XIRP1: variants seen among roughly 807,000 people sequenced by gnomAD.
The protein encoded by XIRP1 is xin actin-binding repeat-containing protein 1.
For missense variants in XIRP1, 2,378 were observed against 2,345.4 expected (o/e 1.01, Z -0.29); for synonymous variants, 984 against 947.0 (o/e 1.04, Z -0.72).
chr3:39,187,299 A>G lies in XIRP1; in HGVS notation c.2147T>C (p.Ile716Thr). The G allele has an allele frequency of 6.3e-7, 1 of 1,589,150 alleles. No homozygotes were observed. The highest frequency in any genetic ancestry group is 8.6e-7 in the Non-Finnish European group (1 of 1,166,878). ...AGAACCCGCGGGGATGGACCCAGCG[A>G]TTACCCGGGGCTCCTGTTCTTCCTT... ...GKKEEQEPRVIAGSIPAGSVH... is the reference protein window; with the variant it reads ...GKKEEQEPRVTAGSIPAGSVH... Residue 716 changes from isoleucine to threonine, a missense_variant, in exon 2 of 2, where the codon ATC becomes ACC. Coordinates refer to ENST00000340369, the MANE Select transcript of XIRP1 (RefSeq NM_194293.4).
rs1049680179 is a variant in XIRP1 at position 39,189,046 on chromosome 3, A to G, written c.400T>C (p.Ser134Pro). The change falls in exon 2 of 2, where the codon TCC becomes CCC. Residue 134 changes from serine (S) to proline (P), a missense_variant. Physicochemically the swap from Ser to Pro is moderately conservative, Grantham distance 74. Transcript: ENST00000340369. ...QATSRKFEEG[S>P]FANSTDQEPT... ...TCCTGGTCTGTGCTGTTGGCAAAGG[A>G]GCCTTCCTCAAACTTGCGGGAGGTG... 6.2e-7 allele frequency: 1 copy of G among 1,614,098 alleles called. No individual in the cohort carries two copies.
Position 39,183,685 on chromosome 3 carries a change from A to T in XIRP1, c.*229T>A. On this transcript the variant is annotated 3_prime_UTR_variant, in exon 2 of 2. Coordinates refer to ENST00000340369, the MANE Select transcript of XIRP1 (RefSeq NM_194293.4). The stretch of plus-strand genomic sequence containing the variant: ...ACAAGCAGCTGGGAGCCCCCATCCT[A>T]CCCCCACGCCTGTGCAACTCTGTGG... 1 of 661,134 alleles carries T rather than the reference A, an allele frequency of 1.5e-6. No homozygotes were observed. Among genetic ancestry groups the T allele is most frequent in the Non-Finnish European group, 2.4e-6 (1 of 412,276 alleles). The allele number at this position is 661,134 out of a possible 1,614,324, so 41.0% of individuals were successfully genotyped here.
In XIRP1 at chr3:39,184,274, G is replaced by A; in HGVS notation, c.5172C>T (p.Ile1724=). The stretch of plus-strand genomic sequence containing the variant: ...GTTCAGGTTGCACAGAGCACTGGGT[G>A]ATGTCCTTCTTCCCAGTTTTGTCTT... ...GVQDKTGKKD[I]TQCSVQPEPA... is the part of the protein sequence containing the mutation. The change falls in exon 2 of 2, where the codon ATC becomes ATT. Residue 1724 remains isoleucine, a synonymous_variant. Coordinates refer to ENST00000340369, the MANE Select transcript of XIRP1 (RefSeq NM_194293.4). 1 of 1,614,218 alleles carries A rather than the reference G, an allele frequency of 6.2e-7. No homozygotes were observed. Among genetic ancestry groups the A allele is most frequent in the Non-Finnish European group, 8.5e-7 (1 of 1,180,022 alleles).
Position 39,189,102 on chromosome 3 carries a change from T to A in XIRP1, c.344A>T (p.Lys115Met). Residue 115 changes from lysine to methionine, a missense_variant, in exon 2 of 2, where the codon AAG becomes ATG. By Grantham distance (95) the Lys-to-Met change is moderately conservative (BLOSUM62 -1). Coordinates refer to ENST00000340369, the MANE Select transcript of XIRP1 (RefSeq NM_194293.4). ...AIGEHERPAA[K>M]EPVLCGDVQA... ...GACGTCACCACACAGCACGGGCTCC[T>A]TGGCAGCTGGCCTCTCGTGTTCTCC... 1 of 1,614,162 alleles carries A rather than the reference T, an allele frequency of 6.2e-7. No homozygotes were observed. The highest frequency in any genetic ancestry group is 8.5e-7 in the Non-Finnish European group (1 of 1,180,036).
Position 39,186,980 on chromosome 3 carries a change from C to G in XIRP1, c.2466G>C (p.Leu822=), listed in dbSNP as rs755694215. ...QGHPYIRKEE[L]VSGELPRIIC... is the part of the protein sequence containing the mutation. ...TGATCCTGGGAAGTTCACCTGACAC[C>G]AGCTCCTCCTTTCGTATATAAGGGT... Residue 822 remains leucine, a synonymous_variant, in exon 2 of 2, where the codon CTG becomes CTC. Transcript: ENST00000340369. 1 of 1,605,488 alleles carries G rather than the reference C, an allele frequency of 6.2e-7. No individual in the cohort carries two copies. The highest frequency in any genetic ancestry group is 8.5e-7 in the Non-Finnish European group (1 of 1,172,814).
chr3:39,188,247 C>A lies in XIRP1; in HGVS notation c.1199G>T (p.Gly400Val), dbSNP rs756665044. ...CTGGGGATCCACTCGCTGTAGGTGA[C>A]CCACTTGGACCTTGTCTCTGAAAGC... ...LDAFRDKVQVGHLQRVDPQDG... is the reference protein window; with the variant it reads ...LDAFRDKVQVVHLQRVDPQDG... Residue 400 changes from glycine to valine, a missense_variant, in exon 2 of 2, where the codon GGT (glycine) becomes GTT (valine). Coordinates refer to ENST00000340369, the MANE Select transcript of XIRP1 (RefSeq NM_194293.4). 3 of 1,614,198 alleles carry A rather than the reference C, an allele frequency of 1.9e-6. No individual in the cohort carries two copies. The highest frequency in any genetic ancestry group is 1.6e-4 in the Middle Eastern group (1 of 6,062).
In XIRP1 at chr3:39,184,330, C is replaced by G; in HGVS notation, c.5116G>C (p.Gly1706Arg). Residue 1706 changes from glycine to arginine, a missense_variant, in exon 2 of 2, where the codon GGC becomes CGC. Physicochemically the swap from Gly to Arg is moderately radical, Grantham distance 125. Transcript: ENST00000340369. ...VKSTQLAQDI[G>R]QALLHQKGVQ... ...CCTTTCTGGTGGAGCAGGGCCTGGC[C>G]TATGTCCTGAGCCAGTTGTGTGCTT... 6.2e-7 allele frequency: 1 copy of G among 1,614,224 alleles called. No homozygotes were observed. The highest frequency in any genetic ancestry group is 8.5e-7 in the Non-Finnish European group (1 of 1,180,038).
Position 39,186,096 on chromosome 3 carries a change from G to A in XIRP1, c.3350C>T (p.Pro1117Leu). The stretch of plus-strand genomic sequence containing the variant: ...TTGCTCTTCCCTACTGACCTTTCTG[G>A]GGGCTGCTGGGATCCGGGGATCACT... ...GGSDPRIPAA[P>L]RKVSREEQAL... The change falls in exon 2 of 2, where the codon CCC becomes CTC. Residue 1117 changes from proline to leucine, a missense_variant. Coordinates refer to ENST00000340369, the MANE Select transcript of XIRP1 (RefSeq NM_194293.4). 1 of 1,613,886 alleles carries A rather than the reference G, an allele frequency of 6.2e-7. No individual in the cohort carries two copies. Among genetic ancestry groups the A allele is most frequent in the Non-Finnish European group, 8.5e-7 (1 of 1,179,818 alleles).
rs1464980346 is a variant in XIRP1, at chr3:39,185,184, T to C, written c.4262A>G (p.Gln1421Arg). ...ATTGAGCTTGGGGGGCTCAGAGCTCTGGGCATTGCTGCCTGTAGCCTGATT... is the reference window on the plus strand; with the variant it reads ...ATTGAGCTTGGGGGGCTCAGAGCTCCGGGCATTGCTGCCTGTAGCCTGATT... The part of the protein sequence containing the change: ...TKNQATGSNA[Q>R]SSEPPKLNAL... The change falls in exon 2 of 2, where the codon CAG (glutamine) becomes CGG (arginine). Residue 1421 changes from glutamine (Q) to arginine (R), a missense_variant. By Grantham distance (43) the Gln-to-Arg change is conservative. Transcript: ENST00000340369. 1 of 1,612,464 alleles carries C rather than the reference T, an allele frequency of 6.2e-7. No individual in the cohort carries two copies. The highest frequency in any genetic ancestry group is 1.7e-5 in the Admixed American group (1 of 59,874).
At position 39,188,417 on chromosome 3, in the gene XIRP1, C is replaced by G; in HGVS notation, c.1029G>C (p.Gln343His). The change falls in exon 2 of 2, where the codon CAG (glutamine) becomes CAC (histidine). Residue 343 changes from glutamine (Q) to histidine (H), a missense_variant. Gln to His is a conservative substitution (Grantham distance 24). Coordinates refer to ENST00000340369, the MANE Select transcript of XIRP1 (RefSeq NM_194293.4). ...GGGTCTCAAACAGATGCTGCTGCTG[C>G]TGAACATCTGGACCAGGTGGGATAA... ...PDLIPPGPDV[Q>H]QQQHLFETRA... The G allele has an allele frequency of 6.2e-7, 1 of 1,607,948 alleles. No individual in the cohort carries two copies. Among genetic ancestry groups the G allele is most frequent in the Non-Finnish European group, 8.5e-7 (1 of 1,175,224 alleles).
At position 39,184,228 on chromosome 3, in the gene XIRP1, G is replaced by A. The variant is rs201351415; in HGVS notation, c.5218C>T (p.Pro1740Ser). ...CTCTTTTGCCACCCTCTGGGCAGGG[G>A]ACTGGCTGAGGGAGGGGCAGGTTCA... ...QPEPAPPSAS[P>S]LPRGWQKSVL... is the part of the protein sequence containing the mutation. The change falls in exon 2 of 2, where the codon CCC becomes TCC. Residue 1740 changes from proline (P) to serine (S), a missense_variant. Physicochemically the swap from Pro to Ser is moderately conservative, Grantham distance 74. Coordinates refer to ENST00000340369, the MANE Select transcript of XIRP1 (RefSeq NM_194293.4). The A allele has an allele frequency of 6.2e-7, 1 of 1,614,106 alleles. No homozygotes were observed. The highest frequency in any genetic ancestry group is 8.5e-7 in the Non-Finnish European group (1 of 1,180,020).
At position 39,183,854 on chromosome 3, in the gene XIRP1, T is replaced by A. The variant is rs2039908056; in HGVS notation, c.*60A>T. ...AGTGTACAGGAGGCAGGTACCCACT[T>A]CAGTCCTGGGGCAGTGGAGGCCAGG... On this transcript the variant is annotated 3_prime_UTR_variant, in exon 2 of 2. Coordinates refer to ENST00000340369, the MANE Select transcript of XIRP1 (RefSeq NM_194293.4). The A allele has an allele frequency of 6.4e-7, 1 of 1,553,528 alleles. No homozygotes were observed. Among genetic ancestry groups the A allele is most frequent in the African/African-American group, 1.4e-5 (1 of 73,852 alleles).
Position 39,187,752 on chromosome 3 carries a change from C to G in XIRP1, c.1694G>C (p.Arg565Pro). 6.2e-7 allele frequency: 1 copy of G among 1,614,146 alleles called. No homozygotes were observed. Among genetic ancestry groups the G allele is most frequent in the Non-Finnish European group, 8.5e-7 (1 of 1,180,038 alleles). ...TTCTTTCTGTCGTTCCTGCTGCTCC[C>G]GTTGGTGGATCATCTCCAGGGGCTG... ...ETQPLEMIHQ[R>P]EQQERQKEEG... Residue 565 changes from arginine (R) to proline (P), a missense_variant, in exon 2 of 2, where the codon CGG becomes CCG. Coordinates refer to ENST00000340369, the MANE Select transcript of XIRP1 (RefSeq NM_194293.4).
Position 39,184,780 on chromosome 3 carries a change from T to C in XIRP1, c.4666A>G (p.Lys1556Glu). ...AGGCTAGACATGGAGCTGAGTGCCT[T>C]GTGCACAGCCTCTTCAATGTCCAGC... ...RLLDIEEAVH[K>E]ALSSMSSLQP... is the part of the protein sequence containing the mutation. Residue 1556 changes from lysine (K) to glutamate (E), a missense_variant, in exon 2 of 2, where the codon AAG becomes GAG. Lys to Glu is a moderately conservative substitution (Grantham distance 56). Transcript: ENST00000340369. The C allele has an allele frequency of 6.2e-7, 1 of 1,614,218 alleles. No individual in the cohort carries two copies. The highest frequency in any genetic ancestry group is 8.5e-7 in the Non-Finnish European group (1 of 1,180,028).
Position 39,188,584 on chromosome 3 carries a change from C to T in XIRP1, c.862G>A (p.Val288Met), listed in dbSNP as rs144178915. Reference sequence around the variant, plus strand: ...AGGGAAATCCCCCGGATCACCCGCACCTGGCTGGGGTCCTGGTTGATGGCG... The same window carrying T: ...AGGGAAATCCCCCGGATCACCCGCATCTGGCTGGGGTCCTGGTTGATGGCG... ...LDAINQDPSQ[V>M]RVIRGISLEE... Residue 288 changes from valine to methionine, a missense_variant, in exon 2 of 2, where the codon GTG becomes ATG. Physicochemically the swap from Val to Met is conservative, Grantham distance 21. Transcript: ENST00000340369. 2 of 1,613,680 alleles carry T rather than the reference C, an allele frequency of 1.2e-6. No homozygotes were observed. The highest frequency in any genetic ancestry group is 1.1e-5 in the South Asian group (1 of 91,086).
chr3:39,188,270 A>G lies in XIRP1; in HGVS notation c.1176T>C (p.Ala392=). The G allele has an allele frequency of 6.2e-7, 1 of 1,614,146 alleles. No individual in the cohort carries two copies. ...GACCCACTTGGACCTTGTCTCTGAA[A>G]GCATCCAGGGGCTTTGTTTCAAATA... ...LWLFETKPLD[A]FRDKVQVGHL... is the part of the protein sequence containing the mutation. The change falls in exon 2 of 2, where the codon GCT becomes GCC. Residue 392 remains alanine, a synonymous_variant. Coordinates refer to ENST00000340369, the MANE Select transcript of XIRP1 (RefSeq NM_194293.4).
At chr3:39,190,683 T>C (rs910936314) in intron 1 of XIRP1, among the ~76,000 whole-genome samples, 2 of 151,916 alleles carry the variant, frequency 1.3e-5, no homozygotes, top group African/African-American at 4.8e-5. Flanking sequence ...CTCAAGCCCT[T>C]CTCTGGTCTC....
At position 39,186,119 on chromosome 3, in the gene XIRP1, AC is replaced by A; in HGVS notation, c.3326del (p.Ser1109MetfsTer28). ...TGGGGGCTGCTGGGATCCGGGGATC[AC>A]TTCCACCCCCAGGCCTTATGTTGCT... ...TQSNIRPGGG[S>X]DPRIPAAPRK... On this transcript the variant is annotated frameshift_variant, in exon 2 of 2. Transcript: ENST00000340369. LOFTEE classifies it low-confidence loss of function (END_TRUNC). 1 of 1,613,060 alleles carries A rather than the reference AC, an allele frequency of 6.2e-7. No individual in the cohort carries two copies. The highest frequency in any genetic ancestry group is 8.5e-7 in the Non-Finnish European group (1 of 1,179,322).
Position 39,186,321 on chromosome 3 carries a change from G to C in XIRP1, c.3125C>G (p.Thr1042Ser). 6.2e-7 allele frequency: 1 copy of C among 1,614,148 alleles called. No homozygotes were observed. The highest frequency in any genetic ancestry group is 1.1e-5 in the South Asian group (1 of 91,084). ...VLGKSEGATT[T>S]PPGPGAPDLL... ...GTCTGGGGCCCCAGGCCCCGGAGGGGTAGTCGTGGCTCCTTCTGACTTTCC... is the reference window on the plus strand; with the variant it reads ...GTCTGGGGCCCCAGGCCCCGGAGGGCTAGTCGTGGCTCCTTCTGACTTTCC... The change falls in exon 2 of 2, where the codon ACC becomes AGC. Residue 1042 changes from threonine to serine, a missense_variant. Thr to Ser is a moderately conservative substitution (Grantham distance 58). Transcript: ENST00000340369.
Sources: allele counts gnomAD v4.1 joint callset (sites outside exome capture counted in the v4.1 genomes callset), GRCh38; gene constraint gnomAD v4.1.1; transcripts MANE v1.5; gene names NCBI Gene and HGNC (gene_info 2026-07-23, HGNC 2026-07-21).